Variants in CELSR1 observed in about 807,000 individuals in gnomAD.
CELSR1 encodes cadherin EGF LAG seven-pass G-type receptor 1.
CELSR1 carries 110 observed loss-of-function variants against 249.1 expected under a neutral mutation model. That is an observed-to-expected ratio of 0.44 (90% CI 0.38 to 0.52). CELSR1 has a LOEUF of 0.52. Ranked by LOEUF, CELSR1 falls within the 20% of genes least tolerant of loss-of-function variation. The pLI is 0.00. For missense variants in CELSR1, 4,109 were observed against 4,296.4 expected (o/e 0.96, Z 1.22); for synonymous variants, 2,113 against 1,900.0 (o/e 1.11, Z -2.92).
intron 2 of CELSR1, among the ~76,000 whole-genome samples, chr22:46,457,431 C>T (rs763228508): frequency 6.6e-6 from 1 of 152,106 alleles, no homozygotes; most frequent in African/African-American, 2.4e-5. Flanking sequence ...AAAGCAGCCC[C>T]GGCCCACTGG....
At chr22:46,370,657 A>T (rs1043487976) in intron 25 of CELSR1, among the ~76,000 whole-genome samples, 4 of 151,712 alleles carry the variant, frequency 2.6e-5, no homozygotes, top group South Asian at 2.1e-4. Flanking sequence ...GCTCCTCCCC[A>T]CTCTCCTTAT....
Position 46,428,587 on chromosome 22 carries a change from G to C in CELSR1, c.4611+4806C>G, listed in dbSNP as rs1246337054. Among the ~76,000 whole-genome samples, 2 of 152,254 alleles carry C rather than the reference G, an allele frequency of 1.3e-5. No individual in the cohort carries two copies. Among genetic ancestry groups the C allele is most frequent in the African/African-American group, 4.8e-5 (2 of 41,474 alleles). On this transcript the variant is annotated intron_variant, in intron 5 of 34. Coordinates refer to ENST00000674500, the MANE Select transcript of CELSR1 (RefSeq NM_001378328.1). The surrounding 1 kb of genome is among the most constrained non-coding windows in gnomAD (Gnocchi z 5.7). The stretch of plus-strand genomic sequence containing the variant: ...AAGACCTCTTGGTTGTCAAAACCGG[G>C]TTAGGGGAACAGCTGGAGTCTAGTG...
At chr22:46,493,910 T>A (rs1438047935) in intron 1 of CELSR1, among the ~76,000 whole-genome samples, 1 of 152,206 alleles carries the variant, frequency 6.6e-6, no homozygotes, top group Non-Finnish European at 1.5e-5. Flanking sequence ...GTCTCAGGTA[T>A]GTCTTTATTA....
chr22:46,373,070 G>T lies in CELSR1; in HGVS notation c.7585-13C>A. On this transcript the variant is annotated splice_polypyrimidine_tract_variant and intron_variant, in intron 24 of 34. Coordinates refer to ENST00000674500, the MANE Select transcript of CELSR1 (RefSeq NM_001378328.1). ...CTGTGCACAGAAACTGCGCAGGGAG[G>T]GGCCGCTCAGCAAGGGCCCCTGCAT... The T allele has an allele frequency of 1.3e-6, 2 of 1,579,344 alleles. No individual in the cohort carries two copies. Among genetic ancestry groups the T allele is most frequent in the Non-Finnish European group, 8.6e-7 (1 of 1,160,370 alleles).
intron 5 of CELSR1, among the ~76,000 whole-genome samples, chr22:46,418,067 T>C (rs2079423707): frequency 6.6e-6 from 1 of 152,248 alleles, no homozygotes; most frequent in Admixed American, 6.5e-5. Context: ...ATGACATGTG[T>C]GAAGTGCTTG....
chr22:46,479,161 G>C (rs2080241041), intron 1 of CELSR1, among the ~76,000 whole-genome samples: 1 of 151,840 alleles, frequency 6.6e-6, no homozygotes, highest in Non-Finnish European at 1.5e-5. Flanking sequence ...CACACCTGCG[G>C]CTGGTGCAGC....
chr22:46,459,204 ATGAG>A (rs938766500), intron 2 of CELSR1, among the ~76,000 whole-genome samples: 8 of 152,000 alleles, frequency 5.3e-5, no homozygotes, highest in South Asian at 2.1e-4. Context: ...CATTTTAGTA[ATGAG>A]TGAGTGGTCG....
chr22:46,468,557 G>A lies in CELSR1; in HGVS notation c.3545-4212C>T, dbSNP rs1166985105. ...TTACAGGAGGTCCCTAGAGGAGTTC[G>A]ATTCATAGAGGCAGAAAGTAGAATG... On this transcript the variant is annotated intron_variant, in intron 1 of 34. Transcript: ENST00000674500. This position sits in a 1 kb window ranked among gnomAD's most constrained non-coding sequence, Gnocchi z 4.5. Among the ~76,000 whole-genome samples, 1 of 152,102 alleles carries A rather than the reference G, an allele frequency of 6.6e-6. No homozygotes were observed. Among genetic ancestry groups the A allele is most frequent in the African/African-American group, 2.4e-5 (1 of 41,424 alleles).
chr22:46,412,246 G>C lies in CELSR1; in HGVS notation c.4612-487C>G, dbSNP rs938615258. Among the ~76,000 whole-genome samples, 2 of 152,188 alleles carry C rather than the reference G, an allele frequency of 1.3e-5. No individual in the cohort carries two copies. Among genetic ancestry groups the C allele is most frequent in the African/African-American group, 4.8e-5 (2 of 41,454 alleles). ...GGAGGCACGGCCCTACCCGCGCCTT[G>C]ACTTCTAGGCACCAGACTGAGAGAG... On this transcript the variant is annotated intron_variant, in intron 5 of 34. Transcript: ENST00000674500. This position sits in a 1 kb window ranked among gnomAD's most constrained non-coding sequence, Gnocchi z 4.5.
intron 20 of CELSR1, among the ~76,000 whole-genome samples, chr22:46,384,269 G>A (rs147843438): frequency 6.6e-5 from 10 of 152,284 alleles, no homozygotes; most frequent in African/African-American, 9.6e-5. Context: ...TCATGCTTAC[G>A]CTCCAATGAG....
chr22:46,474,382 G>T (rs1402636782), intron 1 of CELSR1, among the ~76,000 whole-genome samples: 2 of 152,076 alleles, frequency 1.3e-5, no homozygotes, highest in Non-Finnish European at 2.9e-5. Context: ...GGCTGCTGCA[G>T]GTGGGTCCTC....
At chr22:46,474,038 C>A (rs1232844586) in intron 1 of CELSR1, among the ~76,000 whole-genome samples, 4 of 152,138 alleles carry the variant, frequency 2.6e-5, no homozygotes, top group Non-Finnish European at 5.9e-5. Context: ...AAGAGTGAGC[C>A]TCGGACCCAG....
chr22:46,516,155 C>T (rs1183752711), intron 1 of CELSR1, among the ~76,000 whole-genome samples: 1 of 152,150 alleles, frequency 6.6e-6, no homozygotes, highest in Non-Finnish European at 1.5e-5. Context: ...GACACATGCA[C>T]ACGTATGTTT....
intron 25 of CELSR1, 90 bp downstream of exon 25, chr22:46,372,793 C>T: frequency 1.4e-6 from 2 of 1,465,770 alleles, no homozygotes; most frequent in Non-Finnish European, 1.8e-6. Flanking sequence ...TGGGGCTGGG[C>T]AGGGAAGAGA....
intron 19 of CELSR1, 24 bp downstream of exon 19, chr22:46,386,378 C>A: frequency 1.3e-6 from 2 of 1,521,264 alleles, no homozygotes; most frequent in Non-Finnish European, 1.8e-6. Context: ...CAGGGTTCCA[C>A]CCCCAACGCA....
chr22:46,536,704 C>G lies in CELSR1; in HGVS notation c.467G>C (p.Cys156Ser). The change falls in exon 1 of 35, where the codon TGC (cysteine) becomes TCC (serine). Residue 156 changes from cysteine to serine, a missense_variant. By Grantham distance (112) the Cys-to-Ser change is moderately radical. Transcript: ENST00000674500. ...GGGCCTGGGGCGCGGCGGGCAGCGG[C>G]AGGCGGGTAAGGTGGTCGGAGCTGC... ...ALAAPTTLPA[C>S]RCPPRPRPRC... 1 of 1,172,084 alleles carries G rather than the reference C, an allele frequency of 8.5e-7. No individual in the cohort carries two copies. Among genetic ancestry groups the G allele is most frequent in the East Asian group, 3.9e-5 (1 of 25,382 alleles). 72.6% of individuals were successfully genotyped at this position (1,172,084 alleles called of 1,614,324 possible).
chr22:46,415,446 T>C (rs999117793), intron 5 of CELSR1, among the ~76,000 whole-genome samples: 3 of 152,066 alleles, frequency 2.0e-5, no homozygotes, highest in Middle Eastern at 6.3e-3. Flanking sequence ...CACCGTACCA[T>C]CCAGCCTGGG....
In CELSR1 at chr22:46,412,074, G is replaced by A. The variant is rs113179768; in HGVS notation, c.4612-315C>T. ...CAAGATGACTGGTGTCCTCTTAAGA[G>A]GACAGATGCTGAGATGCAAAGGCAC... is the stretch of plus-strand genomic sequence containing the variant. On this transcript the variant is annotated intron_variant, in intron 5 of 34. Coordinates refer to ENST00000674500, the MANE Select transcript of CELSR1 (RefSeq NM_001378328.1). This position sits in a 1 kb window ranked among gnomAD's most constrained non-coding sequence, Gnocchi z 4.5. Among the ~76,000 whole-genome samples the A allele has an allele frequency of 3.5e-4, 53 of 152,322 alleles. No individual in the cohort carries two copies. Among genetic ancestry groups the A allele is most frequent in the African/African-American group, 1.1e-3 (46 of 41,572 alleles).
chr22:46,519,872 CTTT>C (rs369906485), intron 1 of CELSR1, among the ~76,000 whole-genome samples: 1 of 138,894 alleles, frequency 7.2e-6, no homozygotes. Flanking sequence ...ACCCCTATTG[CTTT>C]TTTTTTTTTT....
Sources: allele counts gnomAD v4.1 joint callset (sites outside exome capture counted in the v4.1 genomes callset), GRCh38; gene constraint gnomAD v4.1.1; non-coding constraint Gnocchi (gnomAD v3.1); transcripts MANE v1.5; gene names NCBI Gene and HGNC (gene_info 2026-07-23, HGNC 2026-07-21).